Variants in SVIL observed in about 807,000 individuals in gnomAD.
SVIL encodes the protein supervillin, also known as archvillin.
SVIL carries 101 observed loss-of-function variants against 240.4 expected under a neutral mutation model. The ratio of observed to expected loss-of-function variants is 0.42; its 90% CI spans 0.36 to 0.50. The LOEUF (loss-of-function observed/expected upper bound fraction) is 0.50, where lower values mean the gene tolerates loss of function less well. SVIL is among the 20% of genes least tolerant of loss of function. The pLI is 0.01. For missense variants in SVIL, 2,512 were observed against 2,818.7 expected, an observed-to-expected ratio of 0.89 and a Z score of 2.46; for synonymous variants, 999 against 1,100.0, an observed-to-expected ratio of 0.91 and a Z score of 1.82.
Position 29,550,996 on chromosome 10 carries a change from G to A in SVIL, c.428C>T (p.Pro143Leu). Reference sequence around the variant, plus strand: ...TCCTCCCCGCTTCTCGACAGCATCAGGCTCCTTCCTGGACTTGGTATAGCG... The same window carrying A: ...TCCTCCCCGCTTCTCGACAGCATCAAGCTCCTTCCTGGACTTGGTATAGCG... ...LSRYTKSRKEPDAVEKRGGKS... is the reference protein window; with the variant it reads ...LSRYTKSRKELDAVEKRGGKS... Residue 143 changes from proline to leucine, a missense_variant, in exon 6 of 38, where the codon CCT becomes CTT. By Grantham distance (98) the Pro-to-Leu change is moderately conservative. This residue lies in a region of SVIL where 1,443 missense variants were observed against 1,486.6 expected (regional missense o/e 0.97). Coordinates refer to ENST00000355867, the MANE Select transcript of SVIL (RefSeq NM_021738.3). 6.2e-7 allele frequency: 1 copy of A among 1,614,132 alleles called. No homozygotes were observed. The highest frequency in any genetic ancestry group is 8.5e-7 in the Non-Finnish European group (1 of 1,180,026).
chr10:29,505,017 A>T (rs964870262), intron 17 of SVIL, among the ~76,000 whole-genome samples: 1 of 152,228 alleles, frequency 6.6e-6, no homozygotes, highest in Admixed American at 6.5e-5. Context: ...GACGATACAA[A>T]GAAAAAAGCT....
chr10:29,503,258 T>A (rs1949036831), intron 17 of SVIL, among the ~76,000 whole-genome samples: 1 of 152,168 alleles, frequency 6.6e-6, no homozygotes, highest in African/African-American at 2.4e-5. Context: ...GTACCCTGAA[T>A]AAAAGATGAA....
intron 1 of SVIL, among the ~76,000 whole-genome samples, chr10:29,699,776 A>G (rs904587909): frequency 3.9e-5 from 6 of 152,230 alleles, no homozygotes; most frequent in African/African-American, 1.4e-4. Context: ...AAGAGTGTGG[A>G]AGGCCAGTTC....
At chr10:29,659,637 T>A (rs1236905057) in intron 2 of SVIL, among the ~76,000 whole-genome samples, 1 of 151,902 alleles carries the variant, frequency 6.6e-6, no homozygotes, top group Non-Finnish European at 1.5e-5. Context: ...GGGTGCGGGG[T>A]CAAAGGGGAG....
At chr10:29,633,357 T>C (rs1207576574) in intron 1 of SVIL, among the ~76,000 whole-genome samples, 2 of 152,068 alleles carry the variant, frequency 1.3e-5, no homozygotes, top group Non-Finnish European at 2.9e-5. Context: ...CCTGCAGTTT[T>C]ACTCAACAGG....
At chr10:29,697,304 G>T (rs963035996) in intron 1 of SVIL, among the ~76,000 whole-genome samples, 2 of 84,082 alleles carry the variant, frequency 2.4e-5, no homozygotes, top group Non-Finnish European at 4.7e-5. Context: ...CCACCACCCC[G>T]TCTGGGAGGT....
chr10:29,552,180 A>T (rs1953420938), intron 5 of SVIL, among the ~76,000 whole-genome samples: 2 of 152,008 alleles, frequency 1.3e-5, no homozygotes, highest in Admixed American at 6.5e-5. Flanking sequence ...ACATTTTTAT[A>T]TATTCCTTCT....
chr10:29,710,300 C>T (rs1383303474), intron 1 of SVIL, among the ~76,000 whole-genome samples: 3 of 152,210 alleles, frequency 2.0e-5, no homozygotes, highest in Non-Finnish European at 4.4e-5. Context: ...TTGATCTGCC[C>T]ACCTTGGCCT....
At chr10:29,598,865 G>A (rs888679643) in intron 1 of SVIL, among the ~76,000 whole-genome samples, 2 of 152,138 alleles carry the variant, frequency 1.3e-5, no homozygotes, top group Admixed American at 6.6e-5. Flanking sequence ...AGAGTGAAGC[G>A]AGAAAGAAAA....
At chr10:29,647,898 C>T (rs138452811) in intron 3 of SVIL, among the ~76,000 whole-genome samples, 1 of 150,780 alleles carries the variant, frequency 6.6e-6, no homozygotes, top group Non-Finnish European at 1.5e-5. Context: ...AGTTTTAAAA[C>T]CCCCTACATT....
At chr10:29,626,773 C>T (rs1957887955) in intron 1 of SVIL, among the ~76,000 whole-genome samples, 1 of 152,150 alleles carries the variant, frequency 6.6e-6, no homozygotes, top group African/African-American at 2.4e-5. Flanking sequence ...GCCTGTAATC[C>T]TAGCACGTTG....
At chr10:29,543,578 A>C (rs181269978) in intron 6 of SVIL, among the ~76,000 whole-genome samples, 1 of 151,972 alleles carries the variant, frequency 6.6e-6, no homozygotes, top group Non-Finnish European at 1.5e-5. Flanking sequence ...ATTAAATTTC[A>C]CCTTGTTAGT....
intron 16 of SVIL, among the ~76,000 whole-genome samples, chr10:29,514,117 T>C (rs1397639306): frequency 6.6e-6 from 1 of 152,192 alleles, no homozygotes; most frequent in African/African-American, 2.4e-5. Context: ...GTCTTATTGA[T>C]ATCACTAATG....
chr10:29,463,390 C>A lies in SVIL; in HGVS notation c.6277+102G>T, dbSNP rs147328485. On this transcript the variant is annotated intron_variant, in intron 35 of 37. Transcript: ENST00000355867. ...ACCTGCCAGGCTTTATGGATGGATG[C>A]TGGCTGACATGCACAGAAGGGGAAG... The A allele has an allele frequency of 2.0e-3, 2,829 of 1,406,692 alleles. 40 individuals are homozygous for A. In the South Asian group the frequency reaches 0.023, roughly 11 times the overall value. The allele number at this position is 1,406,692 out of a possible 1,614,324, so 87.1% of individuals were successfully genotyped here. A position where few individuals can be genotyped will look rare whatever the true frequency, so the allele number is the denominator to read the frequency against.
Position 29,593,379 on chromosome 10 carries a change from C to T in SVIL, c.-200-24067G>A, listed in dbSNP as rs937320033. On this transcript the variant is annotated intron_variant, in intron 1 of 37. Coordinates refer to ENST00000355867, the MANE Select transcript of SVIL (RefSeq NM_021738.3). ...TATAGGCTGGTGTCACTAAAGATCCCCAAATATTTCAACTGTGGACTCGAG... is the reference window on the plus strand; with the variant it reads ...TATAGGCTGGTGTCACTAAAGATCCTCAAATATTTCAACTGTGGACTCGAG... Among the ~76,000 whole-genome samples, 5 of 152,228 alleles carry T rather than the reference C, an allele frequency of 3.3e-5. No individual in the cohort carries two copies. The South Asian group carries it at 1.0e-3, about 32-fold the overall frequency.
intron 3 of SVIL, among the ~76,000 whole-genome samples, chr10:29,653,613 T>C (rs1958910857): frequency 6.6e-6 from 1 of 152,194 alleles, no homozygotes; most frequent in African/African-American, 2.4e-5. Context: ...TGGTATCATA[T>C]CTTAAAAAAA....
At chr10:29,687,039 C>G (rs901553341) in intron 1 of SVIL, among the ~76,000 whole-genome samples, 3 of 152,198 alleles carry the variant, frequency 2.0e-5, no homozygotes, top group Non-Finnish European at 4.4e-5. Context: ...GCAACACCCT[C>G]TTTCAAATGA....
intron 1 of SVIL, among the ~76,000 whole-genome samples, chr10:29,633,186 G>A (rs929279347): frequency 1.4e-5 from 2 of 146,568 alleles, no homozygotes; most frequent in African/African-American, 2.5e-5. Context: ...GCAGTGAGCC[G>A]AGATCGTGCC....
intron 27 of SVIL, among the ~76,000 whole-genome samples, chr10:29,482,470 A>G (rs1456461057): frequency 6.6e-6 from 1 of 152,200 alleles, no homozygotes; most frequent in African/African-American, 2.4e-5. Context: ...CAATTAATTA[A>G]TAGACATAGG....
Sources: allele counts gnomAD v4.1 joint callset (sites outside exome capture counted in the v4.1 genomes callset), GRCh38; gene constraint gnomAD v4.1.1; regional missense constraint gnomAD v4.1.1; transcripts MANE v1.5; gene names NCBI Gene and HGNC (gene_info 2026-07-23, HGNC 2026-07-21).